The following ROBO2 variants were observed in gnomAD, a reference collection of about 807,000 sequenced individuals.
ROBO2 encodes roundabout homolog 2.
In ROBO2, 53 loss-of-function variants were observed where a neutral mutation model predicts 160.8. The ratio of observed to expected loss-of-function variants is 0.33; its 90% CI spans 0.26 to 0.41. The LOEUF (loss-of-function observed/expected upper bound fraction) is 0.41. ROBO2 is among the 10% of genes least tolerant of loss of function. The pLI is 1.00. For synonymous variants in ROBO2, 664 were observed against 611.7 expected, an observed-to-expected ratio of 1.09 and a Z score of -1.26; for missense variants, 1,577 against 1,722.4, an observed-to-expected ratio of 0.92 and a Z score of 1.49.
chr3:76,733,502 T>C (rs1412778405), intron 2 of ROBO2, among the ~76,000 whole-genome samples: 1 of 152,256 alleles, frequency 6.6e-6, no homozygotes, highest in African/African-American at 2.4e-5. Context: ...ACATCTTATA[T>C]GGCACTAAGC....
chr3:77,630,021 G>A (rs957950631), intron 23 of ROBO2: 8 of 152,170 alleles, frequency 5.3e-5, no homozygotes, highest in African/African-American at 1.9e-4. Context: ...AACCAAAGGA[G>A]GTAGAGAGAT....
chr3:76,813,939 A>G (rs1360985739), intron 2 of ROBO2, among the ~76,000 whole-genome samples: 3 of 152,200 alleles, frequency 2.0e-5, no homozygotes, highest in East Asian at 1.9e-4. Context: ...AATCTTTTCA[A>G]TAAGTAACTT....
At chr3:76,722,521 A>G (rs1478489706) in intron 2 of ROBO2, among the ~76,000 whole-genome samples, 1 of 152,206 alleles carries the variant, frequency 6.6e-6, no homozygotes, top group Non-Finnish European at 1.5e-5. Flanking sequence ...GCACATTTAC[A>G]GAATTATGCA....
intron 2 of ROBO2, among the ~76,000 whole-genome samples, chr3:76,177,451 A>G (rs1014194957): frequency 6.6e-6 from 1 of 152,172 alleles, no homozygotes; most frequent in African/African-American, 2.4e-5. Context: ...TATGGGGAGC[A>G]ATGTTGATAT....
rs991680549 is a variant in ROBO2 at position 76,212,712 on chromosome 3, C to T, written c.109+275110C>T. 2.4e-4 allele frequency among the ~76,000 whole-genome samples: 36 copies of T among 152,166 alleles called. 1 individual carries two copies. The highest frequency in any genetic ancestry group is 3.9e-4 in the Admixed American group (6 of 15,258). On this transcript the variant is annotated intron_variant, in intron 2 of 26. Transcript: ENST00000487694. ...CATCATTAAGGTCAGATTTCTGCTG[C>T]GTAAGTTTTCCCTTGTCCATTCAGT...
chr3:75,910,243 T>C (rs1449153227), intron 1 of ROBO2, among the ~76,000 whole-genome samples: 1 of 152,154 alleles, frequency 6.6e-6, no homozygotes, highest in East Asian at 1.9e-4. Flanking sequence ...TCCGACCACA[T>C]GTATGAGAAT....
intron 23 of ROBO2, chr3:77,634,541 A>ATCT (rs2095230446): frequency 3.3e-6 from 1 of 303,004 alleles, no homozygotes; most frequent in South Asian, 3.6e-5. Flanking sequence ...ATTTGCATAT[A>ATCT]TCTTTGACAA....
At chr3:76,008,444 C>T (rs948348589) in intron 2 of ROBO2, among the ~76,000 whole-genome samples, 1 of 151,734 alleles carries the variant, frequency 6.6e-6, no homozygotes, top group African/African-American at 2.4e-5. Context: ...GTGTCGATGC[C>T]ACCTCATTAC....
At chr3:76,279,228 C>T (rs1708101215) in intron 2 of ROBO2, among the ~76,000 whole-genome samples, 1 of 151,186 alleles carries the variant, frequency 6.6e-6, no homozygotes, top group African/African-American at 2.4e-5. Flanking sequence ...CCTGAAAGTC[C>T]CTATGTAATT....
At chr3:76,827,135 A>G (rs2066661481) in intron 2 of ROBO2, among the ~76,000 whole-genome samples, 1 of 152,122 alleles carries the variant, frequency 6.6e-6, no homozygotes, top group Admixed American at 6.6e-5. Flanking sequence ...GTAAATCACA[A>G]GAGATTTGGA....
At chr3:76,728,124 G>A (rs1292505511) in intron 2 of ROBO2, among the ~76,000 whole-genome samples, 2 of 151,580 alleles carry the variant, frequency 1.3e-5, no homozygotes, top group South Asian at 2.1e-4. Flanking sequence ...AATATTCCTA[G>A]TTGTAGGCAC....
At chr3:75,991,813 CAAT>C (rs770738871) in intron 2 of ROBO2, among the ~76,000 whole-genome samples, 1 of 152,002 alleles carries the variant, frequency 6.6e-6, no homozygotes, top group Non-Finnish European at 1.5e-5. Context: ...ATGATACAGA[CAAT>C]AATATCCAGG....
intron 2 of ROBO2, among the ~76,000 whole-genome samples, chr3:76,088,376 A>G (rs886728463): frequency 5.9e-5 from 9 of 152,088 alleles, no homozygotes; most frequent in African/African-American, 2.2e-4. Context: ...TTTGGATGTA[A>G]TCGACGTATA....
intron 2 of ROBO2, among the ~76,000 whole-genome samples, chr3:75,995,606 A>G (rs891446178): frequency 1.1e-4 from 16 of 152,110 alleles, no homozygotes; most frequent in African/African-American, 3.6e-4. Context: ...GAGAGTCCCT[A>G]CTGGTGCACT....
At chr3:76,454,248 C>T (rs2077630552) in intron 2 of ROBO2, among the ~76,000 whole-genome samples, 1 of 152,066 alleles carries the variant, frequency 6.6e-6, no homozygotes, top group African/African-American at 2.4e-5. Context: ...GAAGTGCTAA[C>T]TGAAAAGTGG....
intron 2 of ROBO2, among the ~76,000 whole-genome samples, chr3:76,085,558 A>G (rs1160746159): frequency 1.3e-5 from 2 of 152,174 alleles, no homozygotes; most frequent in Non-Finnish European, 1.5e-5. Flanking sequence ...TCATTCTAAC[A>G]ACAAGTTAAA....
chr3:77,040,686 C>A, exon 1 of ROBO2: 1 of 1,604,614 alleles, frequency 6.2e-7, no homozygotes, highest in Non-Finnish European at 8.5e-7. Flanking sequence ...CTAGGAAAGT[C>A]TAAACTTTGG....
intron 2 of ROBO2, among the ~76,000 whole-genome samples, chr3:77,226,648 G>A (rs1176606510): frequency 6.6e-6 from 1 of 152,038 alleles, no homozygotes; most frequent in Non-Finnish European, 1.5e-5. Context: ...AGGTAAGCTG[G>A]AAATATTGTA....
intron 2 of ROBO2, among the ~76,000 whole-genome samples, chr3:77,191,119 TTATC>T (rs1256751007): frequency 6.6e-6 from 1 of 152,118 alleles, no homozygotes. Context: ...TGTGGGATAT[TTATC>T]TAAGTTCTTA....
Sources: gnomAD v4.1 joint callset for allele counts (sites outside exome capture counted in the v4.1 genomes callset) on GRCh38, gnomAD v4.1.1 for gene constraint, MANE v1.5 for transcripts, NCBI Gene and HGNC (gene_info 2026-07-23, HGNC 2026-07-21) for gene names.